The following JAK2 variants were observed in gnomAD, a reference collection of about 807,000 sequenced individuals.
The protein encoded by JAK2 is tyrosine-protein kinase JAK2.
A neutral mutation model predicts 139.3 loss-of-function variants in JAK2; 86 were observed. The ratio of observed to expected loss-of-function variants is 0.62; its 90% CI spans 0.52 to 0.74. The LOEUF is 0.74. Ranked by LOEUF, JAK2 falls within the 30% of genes least tolerant of loss-of-function variation. The pLI is 0.00. For synonymous variants in JAK2, 490 were observed against 437.7 expected, an observed-to-expected ratio of 1.12 and a Z score of -1.49; for missense variants, 1,421 against 1,360.3, an observed-to-expected ratio of 1.04 and a Z score of -0.70.
intron 2 of JAK2, among the ~76,000 whole-genome samples, chr9:5,012,911 A>G (rs1821793442): frequency 6.6e-6 from 1 of 152,200 alleles, no homozygotes. Context: ...GACTTAGGGA[A>G]AATAGTTAGG....
intron 5 of JAK2, among the ~76,000 whole-genome samples, chr9:5,049,223 T>C (rs1205249318): frequency 2.6e-5 from 4 of 152,182 alleles, no homozygotes; most frequent in Non-Finnish European, 5.9e-5. Context: ...ACTTCTATCA[T>C]TGCTACTACT....
chr9:5,092,444 C>T (rs963195326), intron 22 of JAK2, among the ~76,000 whole-genome samples: 5 of 152,118 alleles, frequency 3.3e-5, no homozygotes, highest in Admixed American at 6.5e-5. Flanking sequence ...AGCTTACACC[C>T]GGAAGATTTC....
At chr9:5,123,161 T>G (rs1376719361) in intron 23 of JAK2, 40 bp downstream of exon 23, 1 of 1,366,012 alleles carries the variant, frequency 7.3e-7, no homozygotes, top group East Asian at 2.3e-5. Context: ...TTTTGTTTGT[T>G]CGTTTGATTT....
At chr9:5,046,171 A>G (rs1816993910) in intron 5 of JAK2, among the ~76,000 whole-genome samples, 1 of 152,160 alleles carries the variant, frequency 6.6e-6, no homozygotes, top group African/African-American at 2.4e-5. Flanking sequence ...CCATCTGTTT[A>G]TCTTCTTTGC....
intron 22 of JAK2, among the ~76,000 whole-genome samples, chr9:5,119,023 G>C (rs1032163876): frequency 5.9e-5 from 9 of 152,016 alleles, no homozygotes; most frequent in African/African-American, 1.9e-4. Flanking sequence ...ATTCAGAAAA[G>C]TTTGAAAAAA....
In JAK2 at chr9:5,103,668, T is replaced by G. The variant is rs543699517; in HGVS notation, c.3059+12757T>G. Reference sequence around the variant, plus strand: ...TATTCCAAAATAGACCACATAGAAGTAAAGCACTTCTCACCAAACGTAAAA... The same window carrying G: ...TATTCCAAAATAGACCACATAGAAGGAAAGCACTTCTCACCAAACGTAAAA... On this transcript the variant is annotated intron_variant, in intron 22 of 24. Coordinates refer to ENST00000381652, the MANE Select transcript of JAK2 (RefSeq NM_004972.4). Among the ~76,000 whole-genome samples the G allele has an allele frequency of 2.0e-5, 3 of 151,912 alleles. No individual in the cohort carries two copies. In the East Asian group the frequency reaches 5.8e-4, roughly 29 times the overall value.
intron 4 of JAK2, among the ~76,000 whole-genome samples, chr9:5,035,777 C>T (rs992911380): frequency 6.6e-6 from 1 of 152,166 alleles, no homozygotes; most frequent in African/African-American, 2.4e-5. Flanking sequence ...CAATATCATA[C>T]TGAATGGACA....
intron 19 of JAK2, among the ~76,000 whole-genome samples, chr9:5,088,940 G>C (rs1820342740): frequency 1.3e-5 from 2 of 152,166 alleles, no homozygotes; most frequent in African/African-American, 4.8e-5. Flanking sequence ...TTTTGGGTAA[G>C]GGGTCACTGA....
chr9:5,016,577 C>T (rs756827809), intron 2 of JAK2, among the ~76,000 whole-genome samples: 1 of 152,160 alleles, frequency 6.6e-6, no homozygotes, highest in Non-Finnish European at 1.5e-5. Flanking sequence ...TGAAGTGTAA[C>T]ACACAAACAG....
At chr9:5,105,065 C>G (rs1381193788) in intron 22 of JAK2, among the ~76,000 whole-genome samples, 1 of 152,102 alleles carries the variant, frequency 6.6e-6, no homozygotes, top group East Asian at 1.9e-4. Context: ...CCAGGGCAAT[C>G]AGGCAAGAGA....
chr9:5,080,484 G>A (rs771083628), intron 17 of JAK2, 49 bp from the exon 18 acceptor site: 2 of 1,538,488 alleles, frequency 1.3e-6, no homozygotes, highest in Admixed American at 2.1e-5. Flanking sequence ...AAAGAAGGTT[G>A]GTGTGGCATT....
rs767005618 is a variant in JAK2 at position 5,069,010 on chromosome 9, A to G, written c.1327-12A>G. On this transcript the variant is annotated splice_polypyrimidine_tract_variant and intron_variant, in intron 10 of 24. Coordinates refer to ENST00000381652, the MANE Select transcript of JAK2 (RefSeq NM_004972.4). The stretch of plus-strand genomic sequence containing the variant: ...ACTATCCCTCCCTTTCTTTATAATT[A>G]AACTTATACAGCGAGAAAATGTCAT... 2.9e-5 allele frequency: 43 copies of G among 1,492,726 alleles called. No individual in the cohort carries two copies. Among genetic ancestry groups the G allele is most frequent in the Non-Finnish European group, 3.8e-5 (42 of 1,093,402 alleles). The allele number at this position is 1,492,726 out of a possible 1,614,324, so 92.5% of individuals were successfully genotyped here.
chr9:5,086,917 C>T (rs1820159973), intron 19 of JAK2, among the ~76,000 whole-genome samples: 1 of 152,144 alleles, frequency 6.6e-6, no homozygotes, highest in African/African-American at 2.4e-5. Flanking sequence ...CTGGTATCCA[C>T]AATTATATCA....
intron 22 of JAK2, chr9:5,111,879 C>G (rs1253003550): frequency 2.7e-6 from 1 of 374,994 alleles, no homozygotes; most frequent in African/African-American, 2.2e-5. Flanking sequence ...GGACCACAGC[C>G]AGCAGCTCTG....
At chr9:5,118,381 T>G (rs188498123) in intron 22 of JAK2, among the ~76,000 whole-genome samples, 4 of 152,338 alleles carry the variant, frequency 2.6e-5, no homozygotes, top group South Asian at 2.1e-4. Context: ...AACCAAGATA[T>G]GTATATAAGT....
chr9:5,018,104 C>T (rs1016564959), intron 2 of JAK2, among the ~76,000 whole-genome samples: 2 of 152,252 alleles, frequency 1.3e-5, no homozygotes, highest in Admixed American at 1.3e-4. Context: ...CAAGTTTATT[C>T]TTGATATGTG....
At chr9:4,987,603 G>C (rs1431657575) in intron 2 of JAK2, among the ~76,000 whole-genome samples, 3 of 151,646 alleles carry the variant, frequency 2.0e-5, no homozygotes, top group African/African-American at 7.3e-5. Flanking sequence ...GGGCGTGGTG[G>C]TGCACACCTG....
intron 2 of JAK2, among the ~76,000 whole-genome samples, chr9:5,000,380 A>T (rs575203458): frequency 1.8e-4 from 27 of 152,254 alleles, no homozygotes; most frequent in Non-Finnish European, 2.9e-4. Flanking sequence ...TAAGAAAATC[A>T]TGAAGAACAG....
At chr9:5,033,839 G>C (rs960677100) in intron 4 of JAK2, among the ~76,000 whole-genome samples, 40 of 152,246 alleles carry the variant, frequency 2.6e-4, no homozygotes, top group Admixed American at 1.7e-3. Context: ...CAACTAATGA[G>C]CAAAATAACC....
Sources: allele counts gnomAD v4.1 joint callset (sites outside exome capture counted in the v4.1 genomes callset), GRCh38; gene constraint gnomAD v4.1.1; transcripts MANE v1.5; gene names NCBI Gene and HGNC (gene_info 2026-07-23, HGNC 2026-07-21).